SLC38A4: variants seen among roughly 807,000 people sequenced by gnomAD.
SLC38A4 encodes the protein sodium-coupled neutral amino acid transporter 4.
A neutral mutation model predicts 63.1 loss-of-function variants in SLC38A4; 20 were observed. The observed-to-expected ratio is 0.32, with a 90% CI of 0.22 to 0.46. The LOEUF (loss-of-function observed/expected upper bound fraction) is 0.46. Ranked by LOEUF, SLC38A4 falls within the 20% of genes least tolerant of loss-of-function variation. The pLI, the probability that SLC38A4 is intolerant of heterozygous loss-of-function variation, is 1.00. For missense variants in SLC38A4, 526 were observed against 663.6 expected (o/e 0.79, Z 2.28); for synonymous variants, 230 against 225.5 (o/e 1.02, Z -0.18).
At chr12:46,831,316 TC>T (rs969519262) in intron 1 of SLC38A4, among the ~76,000 whole-genome samples, 3 of 152,168 alleles carry the variant, frequency 2.0e-5, no homozygotes, top group African/African-American at 7.2e-5. Flanking sequence ...GGGTCCGGGT[TC>T]CCTCTCCCCC....
intron 3 of SLC38A4, among the ~76,000 whole-genome samples, chr12:46,790,535 TA>T (rs1938863336): frequency 6.6e-6 from 1 of 152,146 alleles, no homozygotes; most frequent in Admixed American, 6.5e-5. Flanking sequence ...AAATGAAGCC[TA>T]AAATGGGCCT....
chr12:46,820,027 T>C (rs1445926616), intron 1 of SLC38A4, among the ~76,000 whole-genome samples: 1 of 151,882 alleles, frequency 6.6e-6, no homozygotes, highest in Non-Finnish European at 1.5e-5. Context: ...TTAACAGCTT[T>C]ATTGAGGTAT....
chr12:46,804,006 C>T (rs1421541286), intron 1 of SLC38A4, among the ~76,000 whole-genome samples: 1 of 151,972 alleles, frequency 6.6e-6, no homozygotes, highest in Non-Finnish European at 1.5e-5. Context: ...TTTCAAAAGA[C>T]TTATGAATTG....
chr12:46,815,345 C>T (rs1171098781), intron 1 of SLC38A4, among the ~76,000 whole-genome samples: 1 of 147,790 alleles, frequency 6.8e-6, no homozygotes, highest in Non-Finnish European at 1.5e-5. Flanking sequence ...AGATGGCCTT[C>T]CTTTTATCTC....
intron 1 of SLC38A4, among the ~76,000 whole-genome samples, chr12:46,815,266 TATATATATATATATATATAC>T (rs1308489410): frequency 3.8e-4 from 42 of 109,884 alleles, no homozygotes; most frequent in Admixed American, 1.9e-3. Flanking sequence ...TATATATATA[TATATATATATATATATATAC>T]ACACACACAC....
At chr12:46,803,345 CCTTT>C (rs2120866411) in intron 2 of SLC38A4, among the ~76,000 whole-genome samples, 1 of 152,048 alleles carries the variant, frequency 6.6e-6, no homozygotes, top group African/African-American at 2.4e-5. Flanking sequence ...GCAATGTTTC[CCTTT>C]CTTATTATTC....
intron 1 of SLC38A4, among the ~76,000 whole-genome samples, chr12:46,819,481 TAAG>T (rs1259719339): frequency 2.0e-5 from 3 of 151,940 alleles, no homozygotes; most frequent in Non-Finnish European, 4.4e-5. Context: ...AAAATTAAAA[TAAG>T]AAAATAAATG....
chr12:46,783,220 TGATA>T (rs1938683172), intron 7 of SLC38A4, among the ~76,000 whole-genome samples: 1 of 143,396 alleles, frequency 7.0e-6, no homozygotes, highest in South Asian at 2.3e-4. Context: ...ATGGATAAAT[TGATA>T]GATGATAGAT....
chr12:46,802,179 C>T (rs1009849509), intron 2 of SLC38A4, among the ~76,000 whole-genome samples: 3 of 152,022 alleles, frequency 2.0e-5, no homozygotes, highest in African/African-American at 7.2e-5. Context: ...TAGAAGAAAA[C>T]ATAGTCATCT....
chr12:46,775,020 T>G, intron 14 of SLC38A4, 29 bp downstream of exon 14: 1 of 1,607,938 alleles, frequency 6.2e-7, no homozygotes, highest in Non-Finnish European at 8.5e-7. Flanking sequence ...GTCAAGTAGG[T>G]TTCTTTCATC....
rs936910308 is a variant in SLC38A4 at position 46,802,657 on chromosome 12, G to C, written c.-113+946C>G. ...GAGGATCTTGAACTATAAACTAAAT[G>C]GCAATCTTTTATTAAAAACACACCC... On this transcript the variant is annotated intron_variant, in intron 2 of 16. Coordinates refer to ENST00000266579, the MANE Select transcript of SLC38A4 (RefSeq NM_018018.5). Among the ~76,000 whole-genome samples the C allele has an allele frequency of 1.1e-4, 17 of 151,942 alleles. No homozygotes were observed. The East Asian group carries it at 2.7e-3, about 24-fold the overall frequency.
At chr12:46,795,862 C>T (rs929102077) in intron 2 of SLC38A4, among the ~76,000 whole-genome samples, 9 of 152,008 alleles carry the variant, frequency 5.9e-5, no homozygotes, top group Non-Finnish European at 1.2e-4. Context: ...CCTTTCATCA[C>T]GACGTGACTA....
At chr12:46,778,868 G>T (rs964541032) in intron 10 of SLC38A4, 92 bp from the exon 11 acceptor site, 10 of 1,184,604 alleles carry the variant, frequency 8.4e-6, no homozygotes, top group Non-Finnish European at 1.2e-5. Flanking sequence ...TAGGGTGGGG[G>T]GTGAGGGAAC....
At chr12:46,791,184 A>G (rs1396475889) in intron 3 of SLC38A4, among the ~76,000 whole-genome samples, 1 of 152,200 alleles carries the variant, frequency 6.6e-6, no homozygotes, top group Non-Finnish European at 1.5e-5. Flanking sequence ...ACTGAGGGTA[A>G]TGCAGTGAAG....
chr12:46,771,529 A>G (rs1938415482), intron 14 of SLC38A4, among the ~76,000 whole-genome samples: 1 of 152,046 alleles, frequency 6.6e-6, no homozygotes, highest in Admixed American at 6.6e-5. Flanking sequence ...GAGATCACAG[A>G]AAGTTTATGG....
chr12:46,816,976 G>A (rs942127779), intron 1 of SLC38A4, among the ~76,000 whole-genome samples: 1 of 151,706 alleles, frequency 6.6e-6, no homozygotes, highest in Non-Finnish European at 1.5e-5. Flanking sequence ...CCCAGTTGAG[G>A]GAATCAAATT....
chr12:46,805,597 C>A (rs972826464), intron 1 of SLC38A4, among the ~76,000 whole-genome samples: 1 of 151,972 alleles, frequency 6.6e-6, no homozygotes, highest in Non-Finnish European at 1.5e-5. Flanking sequence ...TAAAATCATA[C>A]CACAATGTAA....
chr12:46,779,805 A>G lies in SLC38A4; in HGVS notation c.633T>C (p.Leu211=). The part of the protein sequence containing the change: ...LIIFVSVGII[L]PLSLLKNLGY... ...CTAAATTTTTAAGGAGCGAAAGTGGAAGAATAATTCCAACAGACACAAATA... is the reference window on the plus strand; with the variant it reads ...CTAAATTTTTAAGGAGCGAAAGTGGGAGAATAATTCCAACAGACACAAATA... Residue 211 remains leucine, a synonymous_variant, in exon 9 of 17, where the codon CTT becomes CTC. Coordinates refer to ENST00000266579, the MANE Select transcript of SLC38A4 (RefSeq NM_018018.5). 1 of 1,611,440 alleles carries G rather than the reference A, an allele frequency of 6.2e-7. No homozygotes were observed. Among genetic ancestry groups the G allele is most frequent in the Non-Finnish European group, 8.5e-7 (1 of 1,178,858 alleles).
intron 13 of SLC38A4, among the ~76,000 whole-genome samples, chr12:46,776,092 TC>T (rs1440900780): frequency 3.9e-5 from 6 of 152,018 alleles, no homozygotes; most frequent in African/African-American, 1.2e-4. Flanking sequence ...TACATGCAAT[TC>T]AATTTACCAA....
Sources: allele counts gnomAD v4.1 joint callset (sites outside exome capture counted in the v4.1 genomes callset), GRCh38; gene constraint gnomAD v4.1.1; transcripts MANE v1.5; gene names NCBI Gene and HGNC (gene_info 2026-07-23, HGNC 2026-07-21).